The following RBFOX2 variants were observed in gnomAD, a reference collection of about 807,000 sequenced individuals.
RBFOX2 encodes the protein RNA binding fox-1 homolog 2, also known as RNA binding protein fox-1 homolog 2.
RBFOX2 carries 10 observed loss-of-function variants against 49.1 expected under a neutral mutation model. The observed-to-expected ratio is 0.20, with a 90% confidence interval of 0.13 to 0.35. The LOEUF (loss-of-function observed/expected upper bound fraction) is 0.35, where lower values mean the gene tolerates loss of function less well. Ranked by LOEUF, RBFOX2 falls within the 10% of genes least tolerant of loss-of-function variation. The pLI is 1.00. For synonymous variants in RBFOX2, 183 were observed against 187.4 expected, an observed-to-expected ratio of 0.98 and a Z score of 0.19; for missense variants, 323 against 486.9, an observed-to-expected ratio of 0.66 and a Z score of 3.17.
chr22:35,818,834 A>G (rs1395358751), intron 1 of RBFOX2, among the ~76,000 whole-genome samples: 1 of 152,178 alleles, frequency 6.6e-6, no homozygotes, highest in Non-Finnish European at 1.5e-5. Flanking sequence ...GGTTCCAAAT[A>G]AAACACTGGC....
At chr22:35,800,341 G>C (rs1231495016) in intron 2 of RBFOX2, among the ~76,000 whole-genome samples, 1 of 152,076 alleles carries the variant, frequency 6.6e-6, no homozygotes, top group Non-Finnish European at 1.5e-5. Flanking sequence ...GCACAATTCT[G>C]CTCACTTCAT....
At chr22:35,770,781 T>C (rs73411988) in intron 4 of RBFOX2, among the ~76,000 whole-genome samples, 7,378 of 152,250 alleles carry the variant, frequency 0.048, 608 homozygotes, top group African/African-American at 0.16. Context: ...TCAGCAAATG[T>C]CAAAGTTTAA....
chr22:35,851,693 G>A (rs557148683), intron 1 of RBFOX2, among the ~76,000 whole-genome samples: 9 of 151,646 alleles, frequency 5.9e-5, no homozygotes, highest in Non-Finnish European at 1.0e-4. Flanking sequence ...TGGGCGTGGT[G>A]GCATGCACCC....
chr22:35,999,842 A>G (rs1441820844), intron 1 of RBFOX2: 2 of 152,104 alleles, frequency 1.3e-5, no homozygotes, highest in East Asian at 3.9e-4. Flanking sequence ...TTCACAGACG[A>G]CATGTATCCA....
chr22:35,792,888 CAT>C (rs1948043939), intron 2 of RBFOX2, among the ~76,000 whole-genome samples: 1 of 152,204 alleles, frequency 6.6e-6, no homozygotes, highest in Non-Finnish European at 1.5e-5. Flanking sequence ...AACTACAATC[CAT>C]GTTAGAACAT....
chr22:35,790,550 T>A (rs1368812836), intron 2 of RBFOX2, among the ~76,000 whole-genome samples: 2 of 152,226 alleles, frequency 1.3e-5, no homozygotes, highest in African/African-American at 4.8e-5. Flanking sequence ...AAATTTAAAA[T>A]AAGGCCTATA....
intron 1 of RBFOX2, among the ~76,000 whole-genome samples, chr22:35,825,556 T>A (rs1331508091): frequency 2.0e-5 from 3 of 152,168 alleles, no homozygotes; most frequent in African/African-American, 7.2e-5. Context: ...AAACATGGGT[T>A]AAAATTTAGG....
chr22:35,873,967 G>A (rs1178034943), intron 1 of RBFOX2, among the ~76,000 whole-genome samples: 2 of 152,166 alleles, frequency 1.3e-5, no homozygotes, highest in African/African-American at 4.8e-5. Flanking sequence ...GAGCCATGGC[G>A]CCCGGCCATA....
Position 35,746,457 on chromosome 22 carries a change from C to T in RBFOX2, c.976+16G>A. 1 of 1,553,342 alleles carries T rather than the reference C, an allele frequency of 6.4e-7. No homozygotes were observed. Among genetic ancestry groups the T allele is most frequent in the Non-Finnish European group, 8.8e-7 (1 of 1,142,654 alleles). On this transcript the variant is annotated intron_variant, in intron 10 of 11. Coordinates refer to ENST00000405409, the Ensembl canonical transcript of RBFOX2. The stretch of plus-strand genomic sequence containing the variant: ...CTCTCATGCATCCCAAAGCTCACCA[C>T]TGTCTCTGTACATACCCGTCACTGT...
At chr22:35,976,672 G>GA (rs201790632) in intron 1 of RBFOX2, among the ~76,000 whole-genome samples, 3,285 of 152,166 alleles carry the variant, frequency 0.022, 41 homozygotes, top group South Asian at 0.05. Context: ...GTAAGAAAAC[G>GA]AACCACCCGG....
chr22:36,017,501 C>G (rs991703721), intron 1 of RBFOX2, among the ~76,000 whole-genome samples: 1 of 151,960 alleles, frequency 6.6e-6, no homozygotes, highest in African/African-American at 2.4e-5. Context: ...GCACTCCAGC[C>G]TGGGCAAGAA....
At chr22:35,897,656 C>A in intron 1 of RBFOX2, 1 of 1,409,970 alleles carries the variant, frequency 7.1e-7, no homozygotes, top group South Asian at 1.2e-5. Context: ...ACTGCATTAA[C>A]AATTCCTTTG....
rs1603442646 is a variant in RBFOX2 at position 35,897,275 on chromosome 22, G to C, written c.-34+41572C>G. 1.4e-5 allele frequency: 21 copies of C among 1,507,998 alleles called. No homozygotes were observed. The East Asian group carries it at 4.3e-4, about 31-fold the overall frequency. The allele number at this position is 1,507,998 out of a possible 1,614,324, so 93.4% of individuals were successfully genotyped here. A position where few individuals can be genotyped will look rare whatever the true frequency, so the allele number is the denominator to read the frequency against. ...TGCTCGGGAGGCACTAAATGTTGAC[G>C]GTCTTGGCCAGCTTCACATCCTCAA... On this transcript the variant is annotated intron_variant, in intron 1 of 13. Transcript: ENST00000359369.
exon 2 of RBFOX2, chr22:35,809,783 A>G (rs771750303): frequency 6.2e-7 from 1 of 1,613,412 alleles, no homozygotes; most frequent in Non-Finnish European, 8.5e-7. Context: ...CACGTACCGT[A>G]AGAGATCCAT....
chr22:36,009,183 C>T lies in RBFOX2; in HGVS notation c.186+19057G>A, dbSNP rs141509349. ...ATCATGTGTTTGCCATGGTCTCTGG[C>T]GCCCGTGCTTTGTGCTATAACAACC... On this transcript the variant is annotated intron_variant, in intron 1 of 13. Coordinates refer to the RBFOX2 transcript ENST00000438146. Among the ~76,000 whole-genome samples the T allele has an allele frequency of 4.1e-4, 62 of 152,278 alleles. No homozygotes were observed. The East Asian group carries it at 0.01, about 26-fold the overall frequency.
At chr22:35,959,898 C>T (rs1008211559) in intron 1 of RBFOX2, among the ~76,000 whole-genome samples, 3 of 152,170 alleles carry the variant, frequency 2.0e-5, no homozygotes, top group Admixed American at 6.5e-5. Context: ...TTACATATAA[C>T]CTATGTATAT....
Position 35,777,749 on chromosome 22 carries a change from G to T in RBFOX2, c.453+276C>A, listed in dbSNP as rs1007620659. On this transcript the variant is annotated intron_variant, in intron 4 of 11. Transcript: ENST00000405409. The stretch of plus-strand genomic sequence containing the variant: ...TGAGGCCGAATTTAAGGCTCATAAA[G>T]CACTGTCATCTCCTACATCCTGTGT... The T allele has an allele frequency of 4.4e-5, 17 of 386,438 alleles. No individual in the cohort carries two copies. The Admixed American group carries it at 4.5e-4, about 10-fold the overall frequency. 23.9% of individuals were successfully genotyped at this position (386,438 alleles called of 1,614,324 possible).
At chr22:35,966,337 C>T (rs899586698), upstream of RBFOX2, among the ~76,000 whole-genome samples, 1 of 152,104 alleles carries the variant, frequency 6.6e-6, no homozygotes, top group East Asian at 1.9e-4. Context: ...GTATACATTT[C>T]GGTTGGGTAT....
At chr22:35,934,098 A>G (rs1465864950) in intron 1 of RBFOX2, among the ~76,000 whole-genome samples, 1 of 151,586 alleles carries the variant, frequency 6.6e-6, no homozygotes, top group African/African-American at 2.4e-5. Context: ...AGAAGGGAAA[A>G]CCATACAAAT....
Sources: allele counts gnomAD v4.1 joint callset (sites outside exome capture counted in the v4.1 genomes callset), GRCh38; gene constraint gnomAD v4.1.1; transcripts MANE v1.5; gene names NCBI Gene and HGNC (gene_info 2026-07-23, HGNC 2026-07-21).